Variants in HMOX2 observed in about 807,000 individuals in gnomAD.
HMOX2 encodes heme oxygenase (decycling) 2.
HMOX2 carries 30 observed loss-of-function variants against 33.7 expected under a neutral mutation model. The observed-to-expected ratio is 0.89, with a 90% CI of 0.67 to 1.21. HMOX2 has a LOEUF of 1.21. HMOX2 is among the 50% of genes most tolerant of loss of function. The probability of loss-of-function intolerance (pLI) is 0.00; values close to 1 mark genes in which losing one functional copy is unlikely to be tolerated. For missense variants in HMOX2, 403 were observed against 399.1 expected (o/e 1.01, Z -0.08); for synonymous variants, 155 against 155.0 (o/e 1.00, Z 0.00).
chr16:4,504,791 G>T (rs1209812021), intron 1 of HMOX2, among the ~76,000 whole-genome samples: 3 of 146,664 alleles, frequency 2.0e-5, no homozygotes, highest in Non-Finnish European at 4.5e-5. Context: ...CTGGGCTCAA[G>T]AGATTCTCCT....
intron 1 of HMOX2, among the ~76,000 whole-genome samples, chr16:4,494,902 G>T (rs1465167829): frequency 2.0e-5 from 3 of 152,018 alleles, no homozygotes; most frequent in African/African-American, 7.2e-5. Context: ...GCCAGGCATG[G>T]TGGTTCATAC....
At chr16:4,479,057 A>G (rs1009890732) in intron 1 of HMOX2, among the ~76,000 whole-genome samples, 6 of 152,096 alleles carry the variant, frequency 3.9e-5, no homozygotes, top group Non-Finnish European at 8.8e-5. Flanking sequence ...AGGCTGAGCA[A>G]GGAGAATTGC....
rs1257274965 is a variant in HMOX2, at chr16:4,509,958, G to T, written c.*202G>T. The T allele has an allele frequency of 8.0e-6, 5 of 621,124 alleles. No individual in the cohort carries two copies. Among genetic ancestry groups the T allele is most frequent in the Non-Finnish European group, 1.4e-5 (5 of 359,440 alleles). The allele number at this position is 621,124 out of a possible 1,614,324, so 38.5% of individuals were successfully genotyped here. A position where few individuals can be genotyped will look rare whatever the true frequency, so the allele number is the denominator to read the frequency against. On this transcript the variant is annotated 3_prime_UTR_variant, in exon 6 of 6. Coordinates refer to ENST00000570646, the MANE Select transcript of HMOX2 (RefSeq NM_002134.4). ...CCATATTCCGCACTGGGCACAGGCC[G>T]TCACCCTGGGAGCAGTCGGCACAGT...
At chr16:4,489,582 C>T (rs1330722054) in intron 1 of HMOX2, among the ~76,000 whole-genome samples, 3 of 152,166 alleles carry the variant, frequency 2.0e-5, no homozygotes, top group Non-Finnish European at 4.4e-5. Context: ...CCTCAGCCTC[C>T]CAGGTAGCTG....
At chr16:4,475,788 A>T (rs2141484805), upstream of HMOX2, 1 of 152,114 alleles carries the variant, frequency 6.6e-6, no homozygotes, top group East Asian at 2.0e-4. Context: ...AAAATACAAA[A>T]ATTAGCCGGG....
At chr16:4,493,325 G>T (rs2058347793) in intron 1 of HMOX2, among the ~76,000 whole-genome samples, 1 of 152,066 alleles carries the variant, frequency 6.6e-6, no homozygotes, top group East Asian at 1.9e-4. Context: ...CAAAGTGCTG[G>T]GATTACAGAC....
chr16:4,481,068 C>T (rs576471974), intron 1 of HMOX2, among the ~76,000 whole-genome samples: 60 of 151,086 alleles, frequency 4.0e-4, no homozygotes, highest in Non-Finnish European at 8.3e-4. Context: ...CAATCTGGTC[C>T]GGGCGCGGTG....
chr16:4,508,297 T>C (rs2058747192), intron 4 of HMOX2, 93 bp downstream of exon 4: 1 of 1,378,286 alleles, frequency 7.3e-7, no homozygotes, highest in Admixed American at 2.2e-5. Flanking sequence ...ACACATGGCA[T>C]TAGGACAGAT....
intron 1 of HMOX2, among the ~76,000 whole-genome samples, chr16:4,503,583 G>T (rs1429586221): frequency 6.6e-6 from 1 of 152,196 alleles, no homozygotes; most frequent in Non-Finnish European, 1.5e-5. Flanking sequence ...GTATGATCAT[G>T]ATGTAACATT....
intron 1 of HMOX2, among the ~76,000 whole-genome samples, chr16:4,479,140 A>G (rs931400827): frequency 1.3e-5 from 2 of 152,152 alleles, no homozygotes; most frequent in African/African-American, 4.8e-5. Context: ...GACAAGAGCA[A>G]AACTTCATCT....
chr16:4,502,440 CTT>C (rs2058581449), intron 1 of HMOX2, among the ~76,000 whole-genome samples: 1 of 152,202 alleles, frequency 6.6e-6, no homozygotes, highest in Non-Finnish European at 1.5e-5. Context: ...TGGCACTTGT[CTT>C]TGCCTCATTT....
At chr16:4,480,347 C>CT (rs57106048) in intron 1 of HMOX2, among the ~76,000 whole-genome samples, 79,298 of 129,196 alleles carry the variant, frequency 0.61, 25,495 homozygotes, top group Non-Finnish European at 0.71. Flanking sequence ...AGCACCCGGC[C>CT]TTTTTTTTTT....
Position 4,505,616 on chromosome 16 carries a change from C to G in HMOX2, c.86+6C>G. On this transcript the variant is annotated splice_donor_region_variant and intron_variant, in intron 2 of 5. Coordinates refer to ENST00000570646, the MANE Select transcript of HMOX2 (RefSeq NM_002134.4). ...GAAAAGGAGAACCAAATGAGGTGAG[C>G]GATGGGGGCTGGCTGCACTGAATCA... The G allele has an allele frequency of 6.3e-7, 1 of 1,576,676 alleles. No individual in the cohort carries two copies. The highest frequency in any genetic ancestry group is 8.6e-7 in the Non-Finnish European group (1 of 1,156,244).
At chr16:4,477,521 A>T in intron 1 of HMOX2, among the ~76,000 whole-genome samples, 1 of 150,754 alleles carries the variant, frequency 6.6e-6, no homozygotes, top group African/African-American at 2.4e-5. Flanking sequence ...AAAAAAAAAA[A>T]AATCGCTTCT....
intron 1 of HMOX2, chr16:4,496,585 G>C (rs3789038): frequency 0.54 from 82,174 of 152,084 alleles, 25,541 homozygotes; most frequent in Non-Finnish European, 0.69. Context: ...TCACATGCAG[G>C]AACCAATGAG....
At chr16:4,484,073 C>T (rs1271255718) in intron 1 of HMOX2, among the ~76,000 whole-genome samples, 1 of 147,852 alleles carries the variant, frequency 6.8e-6, no homozygotes, top group Non-Finnish European at 1.5e-5. Context: ...CTCCCAGGTT[C>T]ACGCCATTCT....
rs372923411 is a variant in HMOX2 at position 4,509,795 on chromosome 16, G to A, written c.*39G>A. The A allele has an allele frequency of 2.0e-5, 32 of 1,590,884 alleles. No homozygotes were observed. The African/African-American group carries it at 2.5e-4, about 13-fold the overall frequency. ...CCACACCGGTACCCTCCTCCCGACT[G>A]ACCACTGGCCTACCCCTTTCTCCAG... On this transcript the variant is annotated 3_prime_UTR_variant, in exon 6 of 6. Transcript: ENST00000570646.
chr16:4,506,474 C>T (rs1047858551), intron 2 of HMOX2, among the ~76,000 whole-genome samples: 1 of 152,186 alleles, frequency 6.6e-6, no homozygotes, highest in Non-Finnish European at 1.5e-5. Context: ...TGGTCACAGC[C>T]TTACTGAGGT....
At chr16:4,492,697 G>A (rs973401296) in intron 1 of HMOX2, among the ~76,000 whole-genome samples, 6 of 151,706 alleles carry the variant, frequency 4.0e-5, no homozygotes, top group African/African-American at 9.7e-5. Flanking sequence ...CCAGCCTGGC[G>A]ACAGAGTGAG....
Sources: allele counts gnomAD v4.1 joint callset (sites outside exome capture counted in the v4.1 genomes callset), GRCh38; gene constraint gnomAD v4.1.1; transcripts MANE v1.5; gene names NCBI Gene and HGNC (gene_info 2026-07-23, HGNC 2026-07-21).